FANCL: variants seen among roughly 807,000 people sequenced by gnomAD.
The protein encoded by FANCL is E3 ubiquitin-protein ligase FANCL.
A neutral mutation model predicts 59.4 loss-of-function variants in FANCL; 69 were observed. The observed-to-expected ratio is 1.16, with a 90% CI of 0.96 to 1.42. The LOEUF is 1.42. Ranked by LOEUF, FANCL falls within the 40% of genes most tolerant of loss-of-function variation. The pLI is 0.00. For missense variants in FANCL, 519 were observed against 447.2 expected (o/e 1.16, Z -1.45); for synonymous variants, 180 against 147.1 (o/e 1.22, Z -1.62).
intron 7 of FANCL, among the ~76,000 whole-genome samples, chr2:58,194,662 C>G (rs1689258446): frequency 1.3e-5 from 2 of 151,996 alleles, no homozygotes; most frequent in Non-Finnish European, 1.5e-5. Context: ...CCAGAATACA[C>G]TGGCTGTTGC....
intron 7 of FANCL, among the ~76,000 whole-genome samples, chr2:58,175,978 A>C (rs1275365442): frequency 6.6e-6 from 1 of 152,238 alleles, no homozygotes; most frequent in Non-Finnish European, 1.5e-5. Flanking sequence ...AAGCATTCTT[A>C]CACACTAATA....
chr2:58,163,933 A>G (rs1685593161), intron 8 of FANCL, among the ~76,000 whole-genome samples: 1 of 152,026 alleles, frequency 6.6e-6, no homozygotes, highest in African/African-American at 2.4e-5. Flanking sequence ...CAAATGTAAA[A>G]AGACCAACAA....
At chr2:58,175,184 C>A (rs1687160403) in intron 7 of FANCL, among the ~76,000 whole-genome samples, 1 of 147,472 alleles carries the variant, frequency 6.8e-6, no homozygotes, top group Non-Finnish European at 1.5e-5. Flanking sequence ...GATGGATTCA[C>A]AGCCGAATTC....
chr2:58,185,891 A>G (rs1688354584), intron 7 of FANCL, among the ~76,000 whole-genome samples: 1 of 152,162 alleles, frequency 6.6e-6, no homozygotes, highest in African/African-American at 2.4e-5. Context: ...CTGCTGAATT[A>G]CTTGTACACT....
intron 6 of FANCL, among the ~76,000 whole-genome samples, chr2:58,199,792 A>T (rs937401853): frequency 6.6e-6 from 1 of 152,092 alleles, no homozygotes; most frequent in African/African-American, 2.4e-5. Context: ...ACTGAAAGAA[A>T]ATTAGTTTTA....
intron 9 of FANCL, 157 bp from the exon 10 acceptor site, chr2:58,163,231 C>T: frequency 1.3e-6 from 1 of 754,544 alleles, no homozygotes; most frequent in South Asian, 1.7e-5. Flanking sequence ...AATGCTGAGA[C>T]ATTGTCATTT....
chr2:58,198,028 G>GGTGT (rs113480493), intron 7 of FANCL, among the ~76,000 whole-genome samples: 11,557 of 150,388 alleles, frequency 0.077, 494 homozygotes, highest in Middle Eastern at 0.11. Flanking sequence ...CAGGCTGGAT[G>GGTGT]GTGTGTGTGT....
At chr2:58,163,404 T>TA (rs757145128) in intron 9 of FANCL, 30 bp downstream of exon 9, 33 of 1,448,334 alleles carry the variant, frequency 2.3e-5, no homozygotes, top group Admixed American at 6.7e-5. Flanking sequence ...ATGACTCTAT[T>TA]AAAAAACGTT....
At chr2:58,228,218 C>T (rs1192084713) in intron 3 of FANCL, among the ~76,000 whole-genome samples, 1 of 152,056 alleles carries the variant, frequency 6.6e-6, no homozygotes, top group Non-Finnish European at 1.5e-5. Context: ...GAAATAATCT[C>T]TAAAGTACAA....
chr2:58,222,260 C>A (rs1343463455), intron 4 of FANCL, among the ~76,000 whole-genome samples: 1 of 151,834 alleles, frequency 6.6e-6, no homozygotes, highest in African/African-American at 2.4e-5. Context: ...AATTTTTATG[C>A]CATGAAAATA....
intron 7 of FANCL, among the ~76,000 whole-genome samples, chr2:58,192,378 G>GA (rs1327719097): frequency 6.6e-6 from 1 of 151,794 alleles, no homozygotes; most frequent in Non-Finnish European, 1.5e-5. Flanking sequence ...ATTTACTTAA[G>GA]AAATACCATT....
intron 7 of FANCL, among the ~76,000 whole-genome samples, chr2:58,179,630 C>G (rs753158508): frequency 6.6e-6 from 1 of 152,084 alleles, no homozygotes; most frequent in Non-Finnish European, 1.5e-5. Context: ...ACCATAAAAA[C>G]CCTAGAAGAA....
At chr2:58,185,018 G>GA (rs762929927) in intron 7 of FANCL, among the ~76,000 whole-genome samples, 8 of 152,118 alleles carry the variant, frequency 5.3e-5, no homozygotes, top group African/African-American at 1.9e-4. Context: ...GACTGCAGGA[G>GA]AAAAAAGAGG....
chr2:58,221,790 C>A, intron 5 of FANCL, 152 bp downstream of exon 5: 1 of 595,250 alleles, frequency 1.7e-6, no homozygotes, highest in Non-Finnish European at 2.9e-6. Context: ...TGATATCCCT[C>A]TCTTTAATTC....
intron 1 of FANCL, among the ~76,000 whole-genome samples, chr2:58,236,073 A>G (rs906901283): frequency 6.6e-6 from 1 of 151,738 alleles, no homozygotes; most frequent in Non-Finnish European, 1.5e-5. Flanking sequence ...AGAAAGAAAG[A>G]AAAAATAATG....
At chr2:58,195,737 T>C (rs1689365025) in intron 7 of FANCL, among the ~76,000 whole-genome samples, 1 of 152,066 alleles carries the variant, frequency 6.6e-6, no homozygotes, top group Non-Finnish European at 1.5e-5. Flanking sequence ...ATGGACACAA[T>C]AATAACTATA....
At chr2:58,191,073 C>T (rs1391132677) in intron 7 of FANCL, among the ~76,000 whole-genome samples, 29 of 151,568 alleles carry the variant, frequency 1.9e-4, no homozygotes, top group Admixed American at 1.8e-3. Context: ...CACATACATG[C>T]ATGCATGCAC....
chr2:58,196,676 C>T (rs536202344), intron 7 of FANCL, among the ~76,000 whole-genome samples: 14 of 151,938 alleles, frequency 9.2e-5, no homozygotes, highest in African/African-American at 3.4e-4. Flanking sequence ...TGTTAAATAA[C>T]AAAATAAAGT....
intron 7 of FANCL, among the ~76,000 whole-genome samples, chr2:58,180,470 C>T (rs139850163): frequency 2.0e-5 from 3 of 152,208 alleles, no homozygotes; most frequent in East Asian, 3.9e-4. Flanking sequence ...GAAAACCAAA[C>T]ACTGCATGTT....
Sources: allele counts gnomAD v4.1 joint callset (sites outside exome capture counted in the v4.1 genomes callset), GRCh38; gene constraint gnomAD v4.1.1; transcripts MANE v1.5; gene names NCBI Gene and HGNC (gene_info 2026-07-23, HGNC 2026-07-21).